The following CSMD1 variants were observed in gnomAD, a reference collection of about 807,000 sequenced individuals.
CSMD1 encodes the protein CUB and Sushi multiple domains 1.
CSMD1 carries 213 observed loss-of-function variants against 417.5 expected under a neutral mutation model. The ratio of observed to expected loss-of-function variants is 0.51; its 90% confidence interval spans 0.46 to 0.57. CSMD1 has a LOEUF of 0.57. Ranked by LOEUF, CSMD1 falls within the 20% of genes least tolerant of loss-of-function variation. The pLI, the probability that CSMD1 is intolerant of heterozygous loss-of-function variation, is 0.00. For synonymous variants in CSMD1, 2,862 were observed against 1,736.8 expected (o/e 1.65, Z -16.11); for missense variants, 6,923 against 4,529.7 (o/e 1.53, Z -15.17).
intron 2 of CSMD1, among the ~76,000 whole-genome samples, chr8:4,614,126 A>T (rs1485989071): frequency 6.6e-6 from 1 of 152,164 alleles, no homozygotes; most frequent in Admixed American, 6.5e-5. Flanking sequence ...CAATAAAAAC[A>T]ATGAACTTTT....
chr8:3,676,371 A>G (rs935244743), intron 7 of CSMD1, among the ~76,000 whole-genome samples: 1 of 152,200 alleles, frequency 6.6e-6, no homozygotes, highest in Non-Finnish European at 1.5e-5. Context: ...GATTGTTGTC[A>G]AAACTAGATG....
chr8:4,052,920 C>G (rs749838480), intron 3 of CSMD1, among the ~76,000 whole-genome samples: 1 of 152,094 alleles, frequency 6.6e-6, no homozygotes, highest in Non-Finnish European at 1.5e-5. Flanking sequence ...GAACTAGGCG[C>G]AGAGAGAAGT....
intron 25 of CSMD1, among the ~76,000 whole-genome samples, chr8:3,294,145 T>C (rs1259784418): frequency 6.6e-6 from 1 of 152,142 alleles, no homozygotes; most frequent in South Asian, 2.1e-4. Context: ...ACAGCAGATG[T>C]TGGTGAACAG....
At chr8:4,177,255 T>C (rs78493695) in intron 3 of CSMD1, among the ~76,000 whole-genome samples, 1 of 152,184 alleles carries the variant, frequency 6.6e-6, no homozygotes, top group Non-Finnish European at 1.5e-5. Flanking sequence ...GCAATCAAGC[T>C]AGAACTCAGG....
chr8:4,323,120 T>A lies in CSMD1; in HGVS notation c.415+96833A>T, dbSNP rs562365169. Among the ~76,000 whole-genome samples, 3 of 152,360 alleles carry A rather than the reference T, an allele frequency of 2.0e-5. No individual in the cohort carries two copies. In the East Asian group the frequency reaches 5.8e-4, roughly 29 times the overall value. On this transcript the variant is annotated intron_variant, in intron 3 of 69. Transcript: ENST00000635120. Reference sequence around the variant, plus strand: ...TCATATGATTTTAATGAGACATTAATTGGTGGTTCCAAAGTTGTTTCCTCA... The same window carrying A: ...TCATATGATTTTAATGAGACATTAAATGGTGGTTCCAAAGTTGTTTCCTCA...
chr8:4,679,861 C>T (rs143949838), intron 1 of CSMD1, among the ~76,000 whole-genome samples: 1 of 151,894 alleles, frequency 6.6e-6, no homozygotes, highest in Non-Finnish European at 1.5e-5. Flanking sequence ...AAAATATATA[C>T]AATGCATAAT....
At chr8:3,785,629 C>A (rs938285020) in intron 5 of CSMD1, among the ~76,000 whole-genome samples, 4 of 152,114 alleles carry the variant, frequency 2.6e-5, no homozygotes, top group African/African-American at 7.2e-5. Flanking sequence ...AGCAAGTTAC[C>A]ATCGAGTGTT....
In CSMD1 at chr8:3,409,529, T is replaced by C; in HGVS notation, c.1638A>G (p.Gly546=). ...CCGGGCATTCAAAGGTGAGTGTATCTCCATGGAGGAAACTGCTGCCCGTCC... is the reference window on the plus strand; with the variant it reads ...CCGGGCATTCAAAGGTGAGTGTATCCCCATGGAGGAAACTGCTGCCCGTCC... The part of the protein sequence containing the change: ...GKRTGSSFLH[G]DTLTFECPAA... The change falls in exon 13 of 70, where the codon GGA becomes GGG. Residue 546 remains glycine, a synonymous_variant. Coordinates refer to ENST00000635120, the MANE Select transcript of CSMD1 (RefSeq NM_033225.6). 6.2e-7 allele frequency: 1 copy of C among 1,611,398 alleles called. No homozygotes were observed. The highest frequency in any genetic ancestry group is 8.5e-7 in the Non-Finnish European group (1 of 1,178,888).
intron 49 of CSMD1, among the ~76,000 whole-genome samples, chr8:3,068,233 AT>A (rs1296045889): frequency 6.6e-6 from 1 of 151,886 alleles, no homozygotes; most frequent in Non-Finnish European, 1.5e-5. Flanking sequence ...TTCTTCATAG[AT>A]TTGCTCATGT....
chr8:3,444,023 G>A (rs150215949), intron 12 of CSMD1, among the ~76,000 whole-genome samples: 50 of 152,206 alleles, frequency 3.3e-4, no homozygotes, highest in African/African-American at 1.2e-3. Context: ...TTGCAGTGCT[G>A]AATGTGAATC....
At chr8:3,445,355 C>T (rs960767580) in intron 12 of CSMD1, among the ~76,000 whole-genome samples, 3 of 152,216 alleles carry the variant, frequency 2.0e-5, no homozygotes, top group Admixed American at 6.5e-5. Flanking sequence ...GACGTGTATA[C>T]ATATATGTTA....
In CSMD1 at chr8:4,075,660, T is replaced by A. The variant is rs377053282; in HGVS notation, c.416-43561A>T. Among the ~76,000 whole-genome samples the A allele has an allele frequency of 2.6e-5, 4 of 152,310 alleles. No homozygotes were observed. The South Asian group carries it at 8.3e-4, about 32-fold the overall frequency. ...ACTGTGTTGGGGAAATTGTCTTGAT[T>A]TGTGAGACGTTTTGGAGCACTGGAT... On this transcript the variant is annotated intron_variant, in intron 3 of 69. Coordinates refer to ENST00000635120, the MANE Select transcript of CSMD1 (RefSeq NM_033225.6).
chr8:4,421,221 A>G (rs1006805074), intron 2 of CSMD1, among the ~76,000 whole-genome samples: 8 of 152,222 alleles, frequency 5.3e-5, no homozygotes. Flanking sequence ...AAGTCAGTGA[A>G]GCAAACGTTG....
chr8:3,422,085 C>T (rs1471355784), intron 12 of CSMD1, among the ~76,000 whole-genome samples: 1 of 152,168 alleles, frequency 6.6e-6, no homozygotes. Context: ...TCATCTACAC[C>T]TATCTACCCT....
At chr8:3,333,727 A>G (rs1807059313) in intron 23 of CSMD1, among the ~76,000 whole-genome samples, 1 of 152,224 alleles carries the variant, frequency 6.6e-6, no homozygotes, top group Non-Finnish European at 1.5e-5. Context: ...ATGGTTGTGA[A>G]TAATTTTTAA....
At chr8:3,375,552 TTA>T (rs1231380780) in intron 18 of CSMD1, among the ~76,000 whole-genome samples, 1 of 152,042 alleles carries the variant, frequency 6.6e-6, no homozygotes, top group African/African-American at 2.4e-5. Context: ...TATGAATACA[TTA>T]TATATATTTT....
At chr8:3,939,843 T>G (rs1466621243) in intron 5 of CSMD1, among the ~76,000 whole-genome samples, 1 of 152,066 alleles carries the variant, frequency 6.6e-6, no homozygotes, top group Non-Finnish European at 1.5e-5. Flanking sequence ...AATAATATAA[T>G]GGACATTGGG....
intron 54 of CSMD1, among the ~76,000 whole-genome samples, chr8:2,987,446 T>C (rs1035038240): frequency 6.7e-6 from 1 of 148,686 alleles, no homozygotes; most frequent in Non-Finnish European, 1.5e-5. Context: ...AAGAAATATA[T>C]AAAGAAGTAT....
At chr8:3,857,650 G>A (rs1804405744) in intron 5 of CSMD1, among the ~76,000 whole-genome samples, 1 of 152,152 alleles carries the variant, frequency 6.6e-6, no homozygotes, top group Non-Finnish European at 1.5e-5. Flanking sequence ...GACACAGATG[G>A]TCCGAATGAG....
Sources: allele counts gnomAD v4.1 joint callset (sites outside exome capture counted in the v4.1 genomes callset), GRCh38; gene constraint gnomAD v4.1.1; transcripts MANE v1.5; gene names NCBI Gene and HGNC (gene_info 2026-07-23, HGNC 2026-07-21).